PHACTR2: variants seen among roughly 807,000 people sequenced by gnomAD.
PHACTR2 encodes phosphatase and actin regulator 2.
A neutral mutation model predicts 76.0 loss-of-function variants in PHACTR2; 30 were observed. The observed-to-expected ratio is 0.39, with a 90% CI of 0.30 to 0.54. The LOEUF is 0.54. Among genes scored for constraint, PHACTR2 ranks in the 20% least tolerant of loss-of-function variants. The pLI is 0.61. For synonymous variants in PHACTR2, 292 were observed against 292.5 expected, an observed-to-expected ratio of 1.00 and a Z score of 0.02; for missense variants, 696 against 781.1, an observed-to-expected ratio of 0.89 and a Z score of 1.30.
rs1015705729 is a variant in PHACTR2, at chr6:143,680,204, ATT to A, written c.46+1999_46+2000del. 1.3e-5 allele frequency among the ~76,000 whole-genome samples: 2 copies of A among 151,794 alleles called. No homozygotes were observed. Among genetic ancestry groups the A allele is most frequent in the Non-Finnish European group, 2.9e-5 (2 of 67,938 alleles). ...TGCTGAGTTTTATATTCATGTCTGT[ATT>A]TTTCTGAGTCTGAGACTGTCAAACT... On this transcript the variant is annotated intron_variant, in intron 1 of 12. Transcript: ENST00000440869. The surrounding 1 kb of genome is among the most constrained non-coding windows in gnomAD (Gnocchi z 4.5).
chr6:143,792,500 A>C (rs1775714150), intron 11 of PHACTR2, among the ~76,000 whole-genome samples: 3 of 151,752 alleles, frequency 2.0e-5, no homozygotes, highest in Admixed American at 1.3e-4. Flanking sequence ...CTGTGCAGTG[A>C]CCTTCCCCAA....
intron 1 of PHACTR2, among the ~76,000 whole-genome samples, chr6:143,657,273 T>C (rs1776864451): frequency 6.6e-6 from 1 of 152,042 alleles, no homozygotes; most frequent in Non-Finnish European, 1.5e-5. Flanking sequence ...ACAATGTACA[T>C]ACAGTGAACA....
Position 143,819,365 on chromosome 6 carries a change from C to T in PHACTR2, c.1923-4309C>T, listed in dbSNP as rs1343887631. 2.0e-5 allele frequency among the ~76,000 whole-genome samples: 3 copies of T among 151,998 alleles called. No individual in the cohort carries two copies. Among genetic ancestry groups the T allele is most frequent in the Non-Finnish European group, 2.9e-5 (2 of 68,004 alleles). ...AATAGGACAGGGGTGGGTATAGATC[C>T]GATGGCCAAGAAAGGGGTCTGTATC... On this transcript the variant is annotated intron_variant, in intron 12 of 12. Coordinates refer to ENST00000440869, the MANE Select transcript of PHACTR2 (RefSeq NM_001100164.2). The surrounding 1 kb of genome is among the most constrained non-coding windows in gnomAD (Gnocchi z 5.0).
chr6:143,635,926 G>A (rs1302173892), intron 1 of PHACTR2, among the ~76,000 whole-genome samples: 1 of 152,018 alleles, frequency 6.6e-6, no homozygotes, highest in African/African-American at 2.4e-5. Context: ...TTCAAAACTG[G>A]ACCAGGTGTG....
chr6:143,632,597 C>T lies in PHACTR2; in HGVS notation c.13+24275C>T, dbSNP rs530283563. ...AATCAATGAAACTACATTGACTCAT[C>T]ATTATCACCTAAAGCCCAACATTAG... On this transcript the variant is annotated intron_variant, in intron 1 of 11. Coordinates refer to the PHACTR2 transcript ENST00000305766. Among the ~76,000 whole-genome samples, 14 of 152,318 alleles carry T rather than the reference C, an allele frequency of 9.2e-5. No homozygotes were observed. In the South Asian group the frequency reaches 1.7e-3, roughly 18 times the overall value.
intron 10 of PHACTR2, among the ~76,000 whole-genome samples, chr6:143,785,937 T>A (rs1775546918): frequency 6.6e-6 from 1 of 152,216 alleles, no homozygotes; most frequent in South Asian, 2.1e-4. Context: ...AGGCCTGTGA[T>A]GGGAGGAGCT....
chr6:143,673,686 G>GGTA (rs1188264153), upstream of PHACTR2, among the ~76,000 whole-genome samples: 5 of 152,010 alleles, frequency 3.3e-5, no homozygotes, highest in African/African-American at 1.2e-4. Flanking sequence ...TTCCTCCCAG[G>GGTA]GTAGGGAGAA....
At position 143,601,854 on chromosome 6, in the gene PHACTR2, TTTTG is replaced by T. The variant is rs777857529; in HGVS notation, c.217+64656_217+64659del. ...GCCTTCATTTTCAGTGGAAGGTCTTTTTTGTTTGTTTGCTTGTTTGTGGTTTTAA... is the reference window on the plus strand; with the variant it reads ...GCCTTCATTTTCAGTGGAAGGTCTTTTTTGTTTGCTTGTTTGTGGTTTTAA... On this transcript the variant is annotated intron_variant, in intron 1 of 11. Coordinates refer to the PHACTR2 transcript ENST00000367584. Among the ~76,000 whole-genome samples, 59 of 152,198 alleles carry T rather than the reference TTTTG, an allele frequency of 3.9e-4. 1 individual carries two copies. The highest frequency in any genetic ancestry group is 7.8e-4 in the Non-Finnish European group (53 of 68,032).
At position 143,684,153 on chromosome 6, in the gene PHACTR2, C is replaced by T. The variant is rs1777461473; in HGVS notation, c.46+5944C>T. On this transcript the variant is annotated intron_variant, in intron 1 of 12. Transcript: ENST00000440869. The surrounding 1 kb of genome is among the most constrained non-coding windows in gnomAD (Gnocchi z 4.3). ...GAACATCCATATCTATGACCTCTCT[C>T]TGCACTCCAGGCTCAAATATGCAAC... Among the ~76,000 whole-genome samples, 1 of 152,122 alleles carries T rather than the reference C, an allele frequency of 6.6e-6. No homozygotes were observed. The highest frequency in any genetic ancestry group is 2.1e-4 in the South Asian group (1 of 4,824).
chr6:143,708,473 G>A lies in PHACTR2; in HGVS notation c.47-3543G>A, dbSNP rs193126727. Among the ~76,000 whole-genome samples, 3 of 152,258 alleles carry A rather than the reference G, an allele frequency of 2.0e-5. No individual in the cohort carries two copies. Among genetic ancestry groups the A allele is most frequent in the African/African-American group, 7.2e-5 (3 of 41,552 alleles). Reference sequence around the variant, plus strand: ...CAAAATTAATGCTGAAAACAATCAGGAAATTTTACCTTTCATCTGGGATTT... The same window carrying A: ...CAAAATTAATGCTGAAAACAATCAGAAAATTTTACCTTTCATCTGGGATTT... On this transcript the variant is annotated intron_variant, in intron 1 of 12. Coordinates refer to ENST00000440869, the MANE Select transcript of PHACTR2 (RefSeq NM_001100164.2). This position sits in a 1 kb window ranked among gnomAD's most constrained non-coding sequence, Gnocchi z 5.5.
At chr6:143,600,303 C>G (rs1775798632) in intron 1 of PHACTR2, among the ~76,000 whole-genome samples, 1 of 152,202 alleles carries the variant, frequency 6.6e-6, no homozygotes, top group Non-Finnish European at 1.5e-5. Context: ...CATCCATAAG[C>G]AGCTGTAACT....
intron 9 of PHACTR2, among the ~76,000 whole-genome samples, chr6:143,778,658 G>A (rs989159640): frequency 6.6e-6 from 1 of 152,120 alleles, no homozygotes; most frequent in African/African-American, 2.4e-5. Flanking sequence ...AACCAAAAAG[G>A]TTCATTGCTT....
In PHACTR2 at chr6:143,713,403, G is replaced by A. The variant is rs113824849; in HGVS notation, c.214+1220G>A. 7.9e-5 allele frequency among the ~76,000 whole-genome samples: 12 copies of A among 152,262 alleles called. No individual in the cohort carries two copies. In the South Asian group the frequency reaches 2.5e-3, roughly 32 times the overall value. On this transcript the variant is annotated intron_variant, in intron 2 of 12. Transcript: ENST00000440869. ...TCAAGCTGGGCAATGGGTCCATGGT[G>A]GTTATTATTCTCATTTCTCTGCTTA...
rs187718836 is a variant in PHACTR2, at chr6:143,595,978, C to G, written c.217+58771C>G. ...TTTTTCTATGGTTCAAACTATTTCT[C>G]GTATAAGCACTATCTACTGGAGACT... On this transcript the variant is annotated intron_variant, in intron 1 of 11. Transcript: ENST00000367584. The surrounding 1 kb of genome is among the most constrained non-coding windows in gnomAD (Gnocchi z 4.2). Among the ~76,000 whole-genome samples, 3 of 152,044 alleles carry G rather than the reference C, an allele frequency of 2.0e-5. No individual in the cohort carries two copies. Among genetic ancestry groups the G allele is most frequent in the Non-Finnish European group, 4.4e-5 (3 of 68,010 alleles).
At chr6:143,723,775 C>G (rs549683298) in intron 2 of PHACTR2, among the ~76,000 whole-genome samples, 5 of 92,852 alleles carry the variant, frequency 5.4e-5, no homozygotes, top group South Asian at 6.4e-4. Context: ...ACCTACTGCT[C>G]CATGCCAGAT....
At position 143,562,418 on chromosome 6, in the gene PHACTR2, CT is replaced by C. The variant is rs1775293693; in HGVS notation, c.217+25215del. Among the ~76,000 whole-genome samples, 1 of 152,118 alleles carries C rather than the reference CT, an allele frequency of 6.6e-6. No individual in the cohort carries two copies. Among genetic ancestry groups the C allele is most frequent in the African/African-American group, 2.4e-5 (1 of 41,424 alleles). On this transcript the variant is annotated intron_variant, in intron 1 of 11. Transcript: ENST00000367584. This position sits in a 1 kb window ranked among gnomAD's most constrained non-coding sequence, Gnocchi z 5.1. Reference sequence around the variant, plus strand: ...GAGACTGGGTTGGAGGTGCCACTTACTTTTAAGTGACCAGGTCTCACGAGAA... The same window carrying C: ...GAGACTGGGTTGGAGGTGCCACTTACTTTAAGTGACCAGGTCTCACGAGAA...
intron 6 of PHACTR2, among the ~76,000 whole-genome samples, chr6:143,771,212 A>G (rs796877024): frequency 1.1e-4 from 10 of 94,936 alleles, no homozygotes; most frequent in African/African-American, 4.5e-4. Context: ...ATATATATAT[A>G]TATATATATA....
rs1775822934 is a variant in PHACTR2, at chr6:143,602,373, C to T, written c.217+65166C>T. ...CTCAAGGCTTTATAAAGCCATGGCT[C>T]CTGGAACTAAGGCATCAGCCATTTG... On this transcript the variant is annotated intron_variant, in intron 1 of 11. Coordinates refer to the PHACTR2 transcript ENST00000367584. This position sits in a 1 kb window ranked among gnomAD's most constrained non-coding sequence, Gnocchi z 6.1. Among the ~76,000 whole-genome samples the T allele has an allele frequency of 1.3e-5, 2 of 152,182 alleles. No individual in the cohort carries two copies. Among genetic ancestry groups the T allele is most frequent in the Admixed American group, 6.5e-5 (1 of 15,274 alleles).
rs536385493 is a variant in PHACTR2 at position 143,783,984 on chromosome 6, G to T, written c.1707+704G>T. ...AGCCTGGACAACATAGTGAGACCTTGTTTCAAAAAAAAAGAATTAATTGAA... is the reference window on the plus strand; with the variant it reads ...AGCCTGGACAACATAGTGAGACCTTTTTTCAAAAAAAAAGAATTAATTGAA... On this transcript the variant is annotated intron_variant, in intron 10 of 12. Transcript: ENST00000440869. This position sits in a 1 kb window ranked among gnomAD's most constrained non-coding sequence, Gnocchi z 5.2. Among the ~76,000 whole-genome samples, 8 of 144,488 alleles carry T rather than the reference G, an allele frequency of 5.5e-5. No individual in the cohort carries two copies. The highest frequency in any genetic ancestry group is 2.1e-4 in the African/African-American group (8 of 38,810). 94.8% of individuals were successfully genotyped at this position (144,488 alleles called of 152,430 possible).
Sources: gnomAD v4.1 joint callset for allele counts (sites outside exome capture counted in the v4.1 genomes callset) on GRCh38, gnomAD v4.1.1 for gene constraint, Gnocchi (gnomAD v3.1) non-coding constraint, MANE v1.5 for transcripts, NCBI Gene and HGNC (gene_info 2026-07-23, HGNC 2026-07-21) for gene names.